DPP6: variants seen among roughly 807,000 people sequenced by gnomAD.
DPP6 encodes the protein A-type potassium channel modulatory protein DPP6.
A neutral mutation model predicts 122.6 loss-of-function variants in DPP6; 69 were observed. The observed-to-expected ratio is 0.56, with a 90% confidence interval of 0.46 to 0.69. DPP6 has a LOEUF of 0.69. DPP6 is among the 30% of genes least tolerant of loss of function. The pLI is 0.00. For missense variants in DPP6, 928 were observed against 1,116.9 expected (o/e 0.83, Z 2.41); for synonymous variants, 418 against 433.1 (o/e 0.97, Z 0.43).
intron 1 of DPP6, chr7:154,055,788 G>A (rs1469521945): frequency 2.6e-5 from 4 of 152,040 alleles, no homozygotes; most frequent in African/African-American, 9.7e-5. Context: ...CAAGGCTGGT[G>A]GCTTTATCGC....
At chr7:154,575,441 G>GTGGTAT (rs1563879582) in intron 5 of DPP6, among the ~76,000 whole-genome samples, 1 of 37,954 alleles carries the variant, frequency 2.6e-5, no homozygotes, top group African/African-American at 1.9e-4. Context: ...GTATGTGTGT[G>GTGGTAT]GTGTGTGTAT....
chr7:154,272,137 CTGCCAGCACAG>C (rs1803837424), intron 1 of DPP6, among the ~76,000 whole-genome samples: 1 of 152,222 alleles, frequency 6.6e-6, no homozygotes, highest in African/African-American at 2.4e-5. Flanking sequence ...AATTCCCTGG[CTGCCAGCACAG>C]TGCCTTGAAC....
At chr7:154,279,193 G>A (rs918762820) in intron 1 of DPP6, among the ~76,000 whole-genome samples, 3 of 152,014 alleles carry the variant, frequency 2.0e-5, no homozygotes, top group Admixed American at 2.0e-4. Flanking sequence ...ATATGGACAT[G>A]TGTGAGTATG....
At chr7:153,908,554 C>T (rs1799945145) in intron 1 of DPP6, among the ~76,000 whole-genome samples, 1 of 152,058 alleles carries the variant, frequency 6.6e-6, no homozygotes, top group African/African-American at 2.4e-5. Flanking sequence ...AAGAGAGAGA[C>T]CTCATTTTAT....
chr7:154,809,265 AG>A (rs1798889735), intron 16 of DPP6, among the ~76,000 whole-genome samples: 1 of 150,698 alleles, frequency 6.6e-6, no homozygotes, highest in Middle Eastern at 3.2e-3. Flanking sequence ...AAAAAAAAAA[AG>A]AAGAAGAAGG....
the DPP6 span, among the ~76,000 whole-genome samples, chr7:153,826,872 G>A: frequency 5.9e-5 from 9 of 151,508 alleles, no homozygotes; most frequent in Non-Finnish European, 1.2e-4. Context: ...ACATATATAT[G>A]CATACATATA....
intron 1 of DPP6, among the ~76,000 whole-genome samples, chr7:154,417,884 C>G (rs1817158134): frequency 6.6e-6 from 1 of 152,214 alleles, no homozygotes; most frequent in Non-Finnish European, 1.5e-5. Flanking sequence ...TCATTCTTCA[C>G]TGTTTTGCCA....
At chr7:154,321,091 A>G (rs888911779) in intron 1 of DPP6, among the ~76,000 whole-genome samples, 1 of 152,070 alleles carries the variant, frequency 6.6e-6, no homozygotes, top group Admixed American at 6.6e-5. Flanking sequence ...TCCACAGTTT[A>G]GGCAGCATGG....
At chr7:154,305,335 T>TTGGGCCC in intron 1 of DPP6, 13 of 1,024,704 alleles carry the variant, frequency 1.3e-5, no homozygotes, top group Middle Eastern at 4.8e-4. Context: ...TCGTCTTGTC[T>TTGGGCCC]ACCCACCCTC....
At chr7:154,536,089 C>T (rs1244539533) in intron 3 of DPP6, among the ~76,000 whole-genome samples, 1 of 152,096 alleles carries the variant, frequency 6.6e-6, no homozygotes, top group Non-Finnish European at 1.5e-5. Context: ...GTCTGTCAGT[C>T]CTATAGATTA....
intron 12 of DPP6, among the ~76,000 whole-genome samples, chr7:154,798,489 C>T (rs1205698115): frequency 6.6e-6 from 1 of 152,252 alleles, no homozygotes; most frequent in Non-Finnish European, 1.5e-5. Flanking sequence ...AAAGCATTTA[C>T]TAAGCACACA....
chr7:154,630,492 G>T (rs71542527), intron 5 of DPP6, among the ~76,000 whole-genome samples: 21,463 of 152,264 alleles, frequency 0.14, 1,812 homozygotes, highest in East Asian at 0.2. Context: ...GAAAGACCAG[G>T]TACATGGAAG....
At chr7:154,137,170 T>G (rs2150650495) in intron 1 of DPP6, among the ~76,000 whole-genome samples, 1 of 152,296 alleles carries the variant, frequency 6.6e-6, no homozygotes, top group African/African-American at 2.4e-5. Flanking sequence ...AGGATGTTTC[T>G]TAGGACTTCT....
chr7:153,824,122 C>T, the DPP6 span, among the ~76,000 whole-genome samples: 2 of 152,314 alleles, frequency 1.3e-5, no homozygotes, highest in African/African-American at 2.4e-5. Context: ...GGCGCGGTGG[C>T]TTACGCCCAT....
intron 1 of DPP6, among the ~76,000 whole-genome samples, chr7:154,009,850 G>A (rs940944841): frequency 8.6e-5 from 13 of 151,078 alleles, no homozygotes; most frequent in African/African-American, 2.7e-4. Flanking sequence ...AGCACCTGAC[G>A]TGTATGAAAC....
At chr7:154,611,120 G>T (rs1362522911) in intron 5 of DPP6, among the ~76,000 whole-genome samples, 1 of 152,140 alleles carries the variant, frequency 6.6e-6, no homozygotes, top group Non-Finnish European at 1.5e-5. Context: ...CCTAATTATA[G>T]CTGTGATGGC....
At chr7:153,908,934 A>G (rs958075547) in intron 1 of DPP6, among the ~76,000 whole-genome samples, 3 of 151,880 alleles carry the variant, frequency 2.0e-5, no homozygotes, top group African/African-American at 7.3e-5. Context: ...TTGTATTTTT[A>G]GTAGAGATGG....
chr7:154,045,769 C>T (rs765045008), intron 1 of DPP6, among the ~76,000 whole-genome samples: 6 of 152,198 alleles, frequency 3.9e-5, no homozygotes, highest in Non-Finnish European at 5.9e-5. Context: ...CATTATCAGT[C>T]GGATAATTTG....
chr7:154,459,297 G>A (rs984995453), intron 2 of DPP6, among the ~76,000 whole-genome samples: 10 of 152,138 alleles, frequency 6.6e-5, no homozygotes, highest in Non-Finnish European at 1.0e-4. Context: ...CGTAGGCATC[G>A]GGTGAAGAAT....
Sources: gnomAD v4.1 joint callset for allele counts (sites outside exome capture counted in the v4.1 genomes callset) on GRCh38, gnomAD v4.1.1 for gene constraint, MANE v1.5 for transcripts, NCBI Gene and HGNC (gene_info 2026-07-23, HGNC 2026-07-21) for gene names.